The following DNAAF4 variants were observed in gnomAD, a reference collection of about 807,000 sequenced individuals.
The protein encoded by DNAAF4 is dynein axonemal assembly factor 4, also known as dynein assembly factor 4, axonemal.
A neutral mutation model predicts 51.8 loss-of-function variants in DNAAF4; 43 were observed. The observed-to-expected ratio is 0.83, with a 90% CI of 0.65 to 1.07. The LOEUF (loss-of-function observed/expected upper bound fraction) is 1.07. Among genes scored for constraint, DNAAF4 ranks in the 50% least tolerant of loss-of-function variants. The pLI is 0.00. For missense variants in DNAAF4, 581 were observed against 493.0 expected (o/e 1.18, Z -1.69); for synonymous variants, 194 against 165.6 (o/e 1.17, Z -1.32).
intron 4 of DNAAF4, among the ~76,000 whole-genome samples, chr15:55,483,970 G>A (rs1239837043): frequency 4.1e-5 from 6 of 147,656 alleles, no homozygotes; most frequent in Non-Finnish European, 1.5e-5. Flanking sequence ...GGAAAAAAGG[G>A]AATGAGTGGG....
At chr15:55,497,600 A>G in intron 3 of DNAAF4, 112 bp downstream of exon 3, 1 of 1,334,318 alleles carries the variant, frequency 7.5e-7, no homozygotes, top group Non-Finnish European at 1.0e-6. Flanking sequence ...ACTCTTAAAA[A>G]AAAAAAATCT....
Position 55,439,533 on chromosome 15 carries a change from C to A in DNAAF4, c.832G>T (p.Ala278Ser), listed in dbSNP as rs774523419. 6.2e-7 allele frequency: 1 copy of A among 1,613,950 alleles called. No homozygotes were observed. Among genetic ancestry groups the A allele is most frequent in the Non-Finnish European group, 8.5e-7 (1 of 1,180,024 alleles). The change falls in exon 7 of 10, where the codon GCT becomes TCT. Residue 278 changes from alanine to serine, a missense_variant. Ala to Ser is a moderately conservative substitution (Grantham distance 99). Coordinates refer to ENST00000321149, the MANE Select transcript of DNAAF4 (RefSeq NM_130810.4). Reference protein sequence around the residue: ...EARRAMNTDIAELCDLKEEEK... With the variant: ...EARRAMNTDISELCDLKEEEK... ...TCTTCTTTTAAATCGCAAAGTTCAG[C>A]TATGTCAGTATTCATTGCTCTTCGT...
At chr15:55,484,953 T>C (rs1470175497) in intron 4 of DNAAF4, among the ~76,000 whole-genome samples, 1 of 152,170 alleles carries the variant, frequency 6.6e-6, no homozygotes, top group African/African-American at 2.4e-5. Flanking sequence ...CTGACTCAAA[T>C]GTTAATTTCC....
chr15:55,467,151 T>G lies in DNAAF4; in HGVS notation c.416A>C (p.Glu139Ala). Residue 139 changes from glutamate to alanine, a missense_variant, in exon 5 of 10, where the codon GAA (glutamate) becomes GCA (alanine). Transcript: ENST00000321149. ...CATATCTTCTATTTTTTTCCTCTCT[T>G]CTTCTTCAATCTATAACAATTGCAA... ...ALSVMMKIEE[E>A]ERKKIEDMKE... The G allele has an allele frequency of 6.5e-7, 1 of 1,536,352 alleles. No homozygotes were observed. Among genetic ancestry groups the G allele is most frequent in the Non-Finnish European group, 8.8e-7 (1 of 1,142,186 alleles).
chr15:55,446,536 T>TGGC (rs2057821568), intron 6 of DNAAF4, among the ~76,000 whole-genome samples: 4 of 105,840 alleles, frequency 3.8e-5, no homozygotes, highest in Admixed American at 9.8e-5. Context: ...CCAGACCGGG[T>TGGC]GGCCGGGCAG....
chr15:55,495,657 C>G (rs555132323), intron 3 of DNAAF4, among the ~76,000 whole-genome samples: 4 of 152,200 alleles, frequency 2.6e-5, no homozygotes, highest in African/African-American at 9.6e-5. Flanking sequence ...ATTGCTGGAA[C>G]CTAGGAGTTT....
intron 4 of DNAAF4, among the ~76,000 whole-genome samples, chr15:55,488,263 A>G (rs142671635): frequency 0.018 from 2,791 of 152,314 alleles, 55 homozygotes; most frequent in Non-Finnish European, 0.03. Flanking sequence ...CCCAAGCAGA[A>G]TAATACCTGT....
At chr15:55,480,020 C>A (rs76629337) in intron 4 of DNAAF4, among the ~76,000 whole-genome samples, 1 of 152,148 alleles carries the variant, frequency 6.6e-6, no homozygotes, top group Non-Finnish European at 1.5e-5. Flanking sequence ...AGTAGTTCTG[C>A]TTTTGCCCTT....
rs1354720003 is a variant in DNAAF4 at position 55,434,930 on chromosome 15, T to A, written c.1022A>T (p.His341Leu). 5.6e-6 allele frequency: 9 copies of A among 1,611,466 alleles called. No homozygotes were observed. Among genetic ancestry groups the A allele is most frequent in the Non-Finnish European group, 5.9e-6 (7 of 1,179,466 alleles). Reference protein sequence around the residue: ...AACHLKLKNLHKAIEDSSKAL... With the variant: ...AACHLKLKNLLKAIEDSSKAL... Reference sequence around the variant, plus strand: ...CTTAGAAGAATCTTCAATAGCCTTGTGTAAGTTTTTTAGTTTTAGGTGGCA... The same window carrying A: ...CTTAGAAGAATCTTCAATAGCCTTGAGTAAGTTTTTTAGTTTTAGGTGGCA... Residue 341 changes from histidine to leucine, a missense_variant, in exon 8 of 10, where the codon CAC (histidine) becomes CTC (leucine). By Grantham distance (99) the His-to-Leu change is moderately conservative. Coordinates refer to ENST00000321149, the MANE Select transcript of DNAAF4 (RefSeq NM_130810.4).
chr15:55,455,494 C>T (rs914493407), intron 5 of DNAAF4, among the ~76,000 whole-genome samples: 10 of 151,230 alleles, frequency 6.6e-5, no homozygotes, highest in Admixed American at 3.3e-4. Flanking sequence ...TGCAGTGGCG[C>T]GATCTTGGCT....
Position 55,432,621 on chromosome 15 carries a change from T to C in DNAAF4, c.1048-19A>G, listed in dbSNP as rs746631057. 1.9e-6 allele frequency: 3 copies of C among 1,580,836 alleles called. No individual in the cohort carries two copies. The South Asian group carries it at 3.4e-5, about 18-fold the overall frequency. ...CCAGTGCCTTACAAAATATATATAA[T>C]TATTACAAGAAAGTTATAGTTTCTT... On this transcript the variant is annotated intron_variant, in intron 8 of 9. Coordinates refer to ENST00000321149, the MANE Select transcript of DNAAF4 (RefSeq NM_130810.4).
chr15:55,492,885 T>C (rs1335133668), intron 3 of DNAAF4, among the ~76,000 whole-genome samples: 1 of 152,204 alleles, frequency 6.6e-6, no homozygotes, highest in Admixed American at 6.5e-5. Context: ...CATTAATATA[T>C]AGCAACAAGT....
Position 55,434,958 on chromosome 15 carries a change from C to T in DNAAF4, c.994G>A (p.Ala332Thr), listed in dbSNP as rs747666911. The change falls in exon 8 of 10, where the codon GCT becomes ACT. Residue 332 changes from alanine (A) to threonine (T), a missense_variant. Transcript: ENST00000321149. ...KMPLLYLNRA[A>T]CHLKLKNLHK... ...AAGTTTTTTAGTTTTAGGTGGCAAGCAGCCCGGTTCAAATACAATAGTGGC... is the reference window on the plus strand; with the variant it reads ...AAGTTTTTTAGTTTTAGGTGGCAAGTAGCCCGGTTCAAATACAATAGTGGC... The T allele has an allele frequency of 1.2e-6, 2 of 1,612,800 alleles. No homozygotes were observed. The highest frequency in any genetic ancestry group is 2.7e-5 in the African/African-American group (2 of 74,862).
chr15:55,457,323 G>C (rs1368401577), intron 5 of DNAAF4, among the ~76,000 whole-genome samples: 1 of 152,066 alleles, frequency 6.6e-6, no homozygotes, highest in Non-Finnish European at 1.5e-5. Flanking sequence ...GCACAGCAGA[G>C]GCAGCCATAA....
In DNAAF4 at chr15:55,467,091, A is replaced by T; in HGVS notation, c.476T>A (p.Leu159Ter). 1 of 1,550,480 alleles carries T rather than the reference A, an allele frequency of 6.4e-7. No homozygotes were observed. Among genetic ancestry groups the T allele is most frequent in the Non-Finnish European group, 8.7e-7 (1 of 1,149,238 alleles). ...TCTTTGATATTCTTTCCAGGCTTCCAATGCTTTAGTGGCTTTTATCCGTTC... is the reference window on the plus strand; with the variant it reads ...TCTTTGATATTCTTTCCAGGCTTCCTATGCTTTAGTGGCTTTTATCCGTTC... ...ENERIKATKA[L>*]EAWKEYQRKA... The change falls in exon 5 of 10, where the codon TTG (leucine) becomes TAG (stop). Residue 159 changes from leucine (L) to a stop codon, truncating the protein, a stop_gained. Transcript: ENST00000321149. LOFTEE classifies it high-confidence loss of function.
At chr15:55,442,353 A>C (rs548870078) in intron 6 of DNAAF4, among the ~76,000 whole-genome samples, 1 of 152,264 alleles carries the variant, frequency 6.6e-6, no homozygotes, top group Admixed American at 6.5e-5. Context: ...TCCTGAGCTC[A>C]GGCAATCCAC....
At chr15:55,492,560 A>G (rs2058589260) in intron 3 of DNAAF4, among the ~76,000 whole-genome samples, 1 of 150,124 alleles carries the variant, frequency 6.7e-6, no homozygotes, top group South Asian at 2.1e-4. Context: ...TTTTTTTTTG[A>G]GCCGGAGTCT....
At chr15:55,446,301 G>GGC (rs555771971) in intron 6 of DNAAF4, among the ~76,000 whole-genome samples, 1 of 66,920 alleles carries the variant, frequency 1.5e-5, no homozygotes, top group African/African-American at 6.4e-5. Flanking sequence ...CCAGACGGGG[G>GGC]GGGGGGGCAG....
chr15:55,442,544 G>A, intron 6 of DNAAF4: 3 of 880,084 alleles, frequency 3.4e-6, no homozygotes, highest in South Asian at 1.3e-5. Context: ...TCTCCCTACA[G>A]GGATTCAGCA....
Sources: allele counts gnomAD v4.1 joint callset (sites outside exome capture counted in the v4.1 genomes callset), GRCh38; gene constraint gnomAD v4.1.1; transcripts MANE v1.5; gene names NCBI Gene and HGNC (gene_info 2026-07-23, HGNC 2026-07-21).